The following STARD13 variants were observed in gnomAD, a reference collection of about 807,000 sequenced individuals.
STARD13 encodes the protein StAR related lipid transfer domain containing 13, also known as stAR-related lipid transfer protein 13.
A neutral mutation model predicts 106.4 loss-of-function variants in STARD13; 62 were observed. The observed-to-expected ratio is 0.58, with a 90% CI of 0.48 to 0.72. The LOEUF is 0.72. STARD13 is among the 30% of genes least tolerant of loss of function. The probability of loss-of-function intolerance (pLI) is 0.00; values close to 1 mark genes in which losing one functional copy is unlikely to be tolerated. For missense variants in STARD13, 1,387 were observed against 1,424.0 expected (o/e 0.97, Z 0.42); for synonymous variants, 565 against 553.0 (o/e 1.02, Z -0.31).
At chr13:33,622,614 C>A in the STARD13 span, among the ~76,000 whole-genome samples, 53 of 28,168 alleles carry the variant, frequency 1.9e-3, no homozygotes, top group South Asian at 9.4e-3. Context: ...GACTCCGTCT[C>A]AAAAAAAAAA....
chr13:33,471,627 C>T, the STARD13 span, among the ~76,000 whole-genome samples: 3 of 144,284 alleles, frequency 2.1e-5, no homozygotes, highest in Admixed American at 6.7e-5. Context: ...GTCATATTGG[C>T]CCCCTGTTTT....
At chr13:33,642,012 T>C in the STARD13 span, among the ~76,000 whole-genome samples, 1 of 152,254 alleles carries the variant, frequency 6.6e-6, no homozygotes, top group Non-Finnish European at 1.5e-5. Flanking sequence ...TTCTAGACTC[T>C]AGGCTCTTTG....
At chr13:33,486,031 T>G in the STARD13 span, among the ~76,000 whole-genome samples, 10 of 152,160 alleles carry the variant, frequency 6.6e-5, no homozygotes, top group African/African-American at 2.4e-4. Flanking sequence ...ACTGACTGCT[T>G]ATAAATCATG....
At chr13:33,362,530 A>G in the STARD13 span, among the ~76,000 whole-genome samples, 1 of 152,100 alleles carries the variant, frequency 6.6e-6, no homozygotes, top group African/African-American at 2.4e-5. Flanking sequence ...TTTTATTGAT[A>G]CCTCTATTTT....
At chr13:33,525,873 C>T in the STARD13 span, among the ~76,000 whole-genome samples, 1 of 152,160 alleles carries the variant, frequency 6.6e-6, no homozygotes, top group Non-Finnish European at 1.5e-5. Flanking sequence ...AGCTACCTAA[C>T]AGTGGACCTA....
At chr13:33,279,627 C>T (rs1891661943) in intron 1 of STARD13, 2 of 152,206 alleles carry the variant, frequency 1.3e-5, no homozygotes, top group South Asian at 4.1e-4. Flanking sequence ...CTCCAGGCAA[C>T]TCCAATGGAT....
chr13:33,323,422 A>G (rs1310631146), intron 1 of STARD13, among the ~76,000 whole-genome samples: 1 of 151,902 alleles, frequency 6.6e-6, no homozygotes, highest in African/African-American at 2.4e-5. Context: ...CCCTTCTCCC[A>G]CTCAGCCCTT....
In STARD13 at chr13:33,129,561, C is replaced by T. The variant is rs142906014; in HGVS notation, c.1116G>A (p.Gly372=). The T allele has an allele frequency of 1.2e-5, 20 of 1,614,180 alleles. No individual in the cohort carries two copies. The South Asian group carries it at 2.1e-4, about 17-fold the overall frequency. Residue 372 remains glycine (G), a synonymous_variant, in exon 5 of 14, where the codon GGG becomes GGA. Transcript: ENST00000336934. Reference sequence around the variant, plus strand: ...GGTCCCCTGCATCCGGCAGTGCTGTCCCCGCCAGCACATCTAGGTCCTCCA... The same window carrying T: ...GGTCCCCTGCATCCGGCAGTGCTGTTCCCGCCAGCACATCTAGGTCCTCCA... ...MYLEDLDVLA[G]TALPDAGDQS... is the part of the protein sequence containing the mutation.
chr13:33,466,912 G>A, the STARD13 span, among the ~76,000 whole-genome samples: 1 of 152,060 alleles, frequency 6.6e-6, no homozygotes, highest in Non-Finnish European at 1.5e-5. Context: ...CAATTCAGAA[G>A]GGAAACACAT....
chr13:33,435,417 A>G, the STARD13 span, among the ~76,000 whole-genome samples: 1 of 152,284 alleles, frequency 6.6e-6, no homozygotes, highest in African/African-American at 2.4e-5. Flanking sequence ...CTAGATTTAT[A>G]AAGCTCTTAA....
chr13:33,145,763 ACAAAGAG>A (rs1880445775), intron 3 of STARD13, among the ~76,000 whole-genome samples: 1 of 152,222 alleles, frequency 6.6e-6, no homozygotes, highest in Non-Finnish European at 1.5e-5. Context: ...GAACCCAGAC[ACAAAGAG>A]CATACACTAC....
At chr13:33,426,261 A>T in the STARD13 span, among the ~76,000 whole-genome samples, 7 of 152,210 alleles carry the variant, frequency 4.6e-5, no homozygotes, top group African/African-American at 1.7e-4. Context: ...TATAACATGA[A>T]GTTAATTATT....
intron 1 of STARD13, among the ~76,000 whole-genome samples, chr13:33,208,793 GA>G (rs1235207372): frequency 6.6e-6 from 1 of 152,182 alleles, no homozygotes; most frequent in Non-Finnish European, 1.5e-5. Flanking sequence ...TATGTCTTAG[GA>G]AATTCCATCT....
At chr13:33,396,607 A>C in the STARD13 span, among the ~76,000 whole-genome samples, 1 of 152,158 alleles carries the variant, frequency 6.6e-6, no homozygotes, top group Non-Finnish European at 1.5e-5. Context: ...AATTAATTTT[A>C]GTTCTGTGTC....
the STARD13 span, among the ~76,000 whole-genome samples, chr13:33,433,316 C>A: frequency 2.0e-5 from 3 of 152,192 alleles, no homozygotes; most frequent in African/African-American, 7.2e-5. Flanking sequence ...CAGAAGACCT[C>A]AAAAGGGAGA....
intron 1 of STARD13, among the ~76,000 whole-genome samples, chr13:33,189,924 T>C (rs377726009): frequency 3.3e-5 from 5 of 152,210 alleles, no homozygotes; most frequent in South Asian, 2.1e-4. Flanking sequence ...TATATACTAT[T>C]GTAAAAATGA....
intron 1 of STARD13, among the ~76,000 whole-genome samples, chr13:33,184,081 T>A (rs1885515807): frequency 6.6e-6 from 1 of 152,214 alleles, no homozygotes; most frequent in Non-Finnish European, 1.5e-5. Flanking sequence ...CCTTTCTCTC[T>A]ACTTTAAACT....
the STARD13 span, among the ~76,000 whole-genome samples, chr13:33,519,159 G>T: frequency 2.6e-5 from 4 of 151,662 alleles, no homozygotes; most frequent in African/African-American, 7.3e-5. Context: ...CTCTCAGGTG[G>T]GTTTAGGCAG....
At chr13:33,334,890 C>G (rs1037238067) in intron 1 of STARD13, 3 of 151,654 alleles carry the variant, frequency 2.0e-5, no homozygotes, top group African/African-American at 7.3e-5. Flanking sequence ...ACACACACCA[C>G]ACACTCACAC....
Sources: gnomAD v4.1 joint callset for allele counts (sites outside exome capture counted in the v4.1 genomes callset) on GRCh38, gnomAD v4.1.1 for gene constraint, MANE v1.5 for transcripts, NCBI Gene and HGNC (gene_info 2026-07-23, HGNC 2026-07-21) for gene names.